The following ANXA2R variants were observed in gnomAD, a reference collection of about 807,000 sequenced individuals.
ANXA2R encodes annexin-2 receptor.
For missense variants in ANXA2R, 244 were observed against 241.5 expected (o/e 1.01, Z -0.07); for synonymous variants, 93 against 93.6 (o/e 0.99, Z 0.04).
In ANXA2R at chr5:43,040,139, GGGCGGA is replaced by G; in HGVS notation, c.-99_-94del. The G allele has an allele frequency of 1.6e-6, 2 of 1,226,848 alleles. No individual in the cohort carries two copies. Among genetic ancestry groups the G allele is most frequent in the South Asian group, 3.1e-5 (2 of 64,026 alleles). 76.0% of individuals were successfully genotyped at this position (1,226,848 alleles called of 1,614,324 possible). A position where few individuals can be genotyped will look rare whatever the true frequency, so the allele number is the denominator to read the frequency against. On this transcript the variant is annotated 5_prime_UTR_variant, in exon 1 of 1. Coordinates refer to ENST00000616064, the MANE Select transcript of ANXA2R (RefSeq NM_001014279.3). ...AGTATTTATGCTCTGCAGAGCCCGT[GGGCGGA>G]GGCCAGTCAGATATTAAGAAACTCA...
chr5:43,042,433 C>T (rs955911269), upstream of ANXA2R: 1 of 152,906 alleles, frequency 6.5e-6, no homozygotes, highest in East Asian at 1.9e-4. This position sits in a 1 kb window ranked among gnomAD's most constrained non-coding sequence, Gnocchi z 5.6. Context: ...CCAGCGGTGC[C>T]GTCACCAAGA....
At position 43,040,258 on chromosome 5, in the gene ANXA2R, G is replaced by A; in HGVS notation, c.-212C>T. 2.1e-6 allele frequency: 1 copy of A among 476,502 alleles called. No homozygotes were observed. Among genetic ancestry groups the A allele is most frequent in the Non-Finnish European group, 3.8e-6 (1 of 262,456 alleles). The allele number at this position is 476,502 out of a possible 1,614,324, so 29.5% of individuals were successfully genotyped here. Reference sequence around the variant, plus strand: ...TAGAACCAAAACGAACCGTAATTCCGACAGAAAAACATGGCGAGAAAAGAA... The same window carrying A: ...TAGAACCAAAACGAACCGTAATTCCAACAGAAAAACATGGCGAGAAAAGAA... On this transcript the variant is annotated 5_prime_UTR_variant, in exon 1 of 1. Transcript: ENST00000616064.
At chr5:43,042,612 C>T (rs375223944), upstream of ANXA2R, 1 of 152,742 alleles carries the variant, frequency 6.5e-6, no homozygotes, top group Non-Finnish European at 1.5e-5. This position sits in a 1 kb window ranked among gnomAD's most constrained non-coding sequence, Gnocchi z 5.6. Context: ...TGGAGAAAGC[C>T]CCGCACCGAG....
At chr5:43,042,338 A>C (rs540863507), upstream of ANXA2R, 1 of 152,774 alleles carries the variant, frequency 6.5e-6, no homozygotes, top group East Asian at 1.9e-4. The surrounding 1 kb of genome is among the most constrained non-coding windows in gnomAD (Gnocchi z 5.6). Flanking sequence ...ACAAGAGACC[A>C]CGGCTCGCCG....
At chr5:43,040,385 A>T (rs894786297), upstream of ANXA2R, 8 of 219,244 alleles carry the variant, frequency 3.6e-5, no homozygotes, top group Non-Finnish European at 7.9e-5. Context: ...GTTTCCGGGA[A>T]ATGAGCGTTG....
upstream of ANXA2R, chr5:43,041,259 A>G (rs967372096): frequency 1.3e-5 from 2 of 152,232 alleles, no homozygotes; most frequent in Non-Finnish European, 2.9e-5. Flanking sequence ...CCTACAAAGA[A>G]GAAATTACAA....
rs779945718 is a variant in ANXA2R at position 43,039,460 on chromosome 5, GCTAT to G, written c.*1_*4del. 1 of 1,505,724 alleles carries G rather than the reference GCTAT, an allele frequency of 6.6e-7. No homozygotes were observed. Among genetic ancestry groups the G allele is most frequent in the South Asian group, 1.4e-5 (1 of 73,676 alleles). 93.3% of individuals were successfully genotyped at this position (1,505,724 alleles called of 1,614,324 possible). On this transcript the variant is annotated 3_prime_UTR_variant, in exon 1 of 1. Coordinates refer to ENST00000616064, the MANE Select transcript of ANXA2R (RefSeq NM_001014279.3). ...AGGAGAATCCAAAAAGCCTTCTGCT[GCTAT>G]CTAAGGCTGCTTAGCTCCACAGATC...
chr5:43,042,990 G>A (rs1357486123), upstream of ANXA2R: 1 of 152,302 alleles, frequency 6.6e-6, no homozygotes, highest in Non-Finnish European at 1.5e-5. This position sits in a 1 kb window ranked among gnomAD's most constrained non-coding sequence, Gnocchi z 5.6. Flanking sequence ...TGCTGAGACC[G>A]GCCTGGGCCA....
At position 43,039,415 on chromosome 5, in the gene ANXA2R, A is replaced by T; in HGVS notation, c.*50T>A. On this transcript the variant is annotated 3_prime_UTR_variant, in exon 1 of 1. Transcript: ENST00000616064. ...TATTTTCTAGGTGGAGACGTTTGGT[A>T]ACTGAGAATCTTTTCAAGGAGGAGA... 7.1e-7 allele frequency: 1 copy of T among 1,417,094 alleles called. No individual in the cohort carries two copies. Among genetic ancestry groups the T allele is most frequent in the Non-Finnish European group, 9.4e-7 (1 of 1,063,160 alleles). The allele number at this position is 1,417,094 out of a possible 1,614,324, so 87.8% of individuals were successfully genotyped here.
In ANXA2R at chr5:43,040,124, C is replaced by T. The variant is rs1742165984; in HGVS notation, c.-78G>A. 7.2e-7 allele frequency: 1 copy of T among 1,394,832 alleles called. No individual in the cohort carries two copies. The highest frequency in any genetic ancestry group is 2.4e-5 in the Admixed American group (1 of 42,476). The allele number at this position is 1,394,832 out of a possible 1,614,324, so 86.4% of individuals were successfully genotyped here. A position where few individuals can be genotyped will look rare whatever the true frequency, so the allele number is the denominator to read the frequency against. ...ACTACCATCAGCCTGAGTATTTATG[C>T]TCTGCAGAGCCCGTGGGCGGAGGCC... On this transcript the variant is annotated 5_prime_UTR_variant, in exon 1 of 1. Coordinates refer to ENST00000616064, the MANE Select transcript of ANXA2R (RefSeq NM_001014279.3).
chr5:43,041,281 C>T (rs1389612346), upstream of ANXA2R: 1 of 152,052 alleles, frequency 6.6e-6, no homozygotes, highest in African/African-American at 2.4e-5. Context: ...TATGGCTAAG[C>T]GATGCAATGC....
In ANXA2R at chr5:43,039,966, A is replaced by C. The variant is rs191664381; in HGVS notation, c.81T>G (p.Ile27Met). 1.1e-5 allele frequency: 18 copies of C among 1,614,092 alleles called. 1 individual carries two copies. The Admixed American group carries it at 1.2e-4, about 10-fold the overall frequency. ...ACGGCCCACGATCTTCTGAACTCAC[A>C]ATAGGTGGAGGCTGGGGCTCTGGCG... Reference protein sequence around the residue: ...EVAPEPQPPPIVSSEDRGPWP... With the variant: ...EVAPEPQPPPMVSSEDRGPWP... The change falls in exon 1 of 1, where the codon ATT becomes ATG. Residue 27 changes from isoleucine (I) to methionine (M), a missense_variant. Coordinates refer to ENST00000616064, the MANE Select transcript of ANXA2R (RefSeq NM_001014279.3).
At chr5:43,042,833 A>G (rs1454588823), upstream of ANXA2R, 1 of 152,630 alleles carries the variant, frequency 6.6e-6, no homozygotes, top group Non-Finnish European at 1.5e-5. This position sits in a 1 kb window ranked among gnomAD's most constrained non-coding sequence, Gnocchi z 5.6. Flanking sequence ...ATGCGCGGCC[A>G]CAGAAGTACA....
rs1561349132 is a variant in ANXA2R, at chr5:43,039,385, A to T, written c.*80T>A. Reference sequence around the variant, plus strand: ...CAGCAATGAAAGCACATCTTAATGTATTTTTATTTTCTAGGTGGAGACGTT... The same window carrying T: ...CAGCAATGAAAGCACATCTTAATGTTTTTTTATTTTCTAGGTGGAGACGTT... On this transcript the variant is annotated 3_prime_UTR_variant, in exon 1 of 1. Coordinates refer to ENST00000616064, the MANE Select transcript of ANXA2R (RefSeq NM_001014279.3). 2 of 1,209,188 alleles carry T rather than the reference A, an allele frequency of 1.7e-6. No homozygotes were observed. The highest frequency in any genetic ancestry group is 2.3e-6 in the Non-Finnish European group (2 of 886,114). The allele number at this position is 1,209,188 out of a possible 1,614,324, so 74.9% of individuals were successfully genotyped here. A position where few individuals can be genotyped will look rare whatever the true frequency, so the allele number is the denominator to read the frequency against.
Position 43,039,567 on chromosome 5 carries a change from C to A in ANXA2R, c.480G>T (p.Pro160=), listed in dbSNP as rs763484607. The A allele has an allele frequency of 1.6e-5, 26 of 1,613,872 alleles. No homozygotes were observed. In the South Asian group the frequency reaches 2.4e-4, roughly 15 times the overall value. ...TCCACTCCAGGCAGTCTGAGAAACC[C>A]GGGAGGTGGCGCCACGGCTGGAGGG... ...PPALQPWRHL[P]GFSDCLEWIL... The change falls in exon 1 of 1, where the codon CCG becomes CCT. Residue 160 remains proline, a synonymous_variant. Transcript: ENST00000616064.
upstream of ANXA2R, chr5:43,041,002 C>G (rs1233330541): frequency 1.3e-5 from 2 of 152,176 alleles, no homozygotes; most frequent in South Asian, 4.1e-4. Context: ...GAAGCGGAGC[C>G]TCCAGACAGA....
In ANXA2R at chr5:43,039,593, C is replaced by G. The variant is rs1341924917; in HGVS notation, c.454G>C (p.Ala152Pro). The change falls in exon 1 of 1, where the codon GCC becomes CCC. Residue 152 changes from alanine (A) to proline (P), a missense_variant. By Grantham distance (27) the Ala-to-Pro change is conservative. Coordinates refer to ENST00000616064, the MANE Select transcript of ANXA2R (RefSeq NM_001014279.3). ...GCLLERRHPPALQPWRHLPGF... is the reference protein window; with the variant it reads ...GCLLERRHPPPLQPWRHLPGF... ...GGGAGGTGGCGCCACGGCTGGAGGG[C>G]AGGAGGATGGCGGCGTTCCAAAAGG... The G allele has an allele frequency of 6.2e-7, 1 of 1,614,010 alleles. No homozygotes were observed. The highest frequency in any genetic ancestry group is 8.5e-7 in the Non-Finnish European group (1 of 1,179,918).
Position 43,039,487 on chromosome 5 carries a change from A to C in ANXA2R, c.560T>G (p.Ile187Ser). 1 of 1,579,684 alleles carries C rather than the reference A, an allele frequency of 6.3e-7. No individual in the cohort carries two copies. Among genetic ancestry groups the C allele is most frequent in the Non-Finnish European group, 8.6e-7 (1 of 1,162,482 alleles). Residue 187 changes from isoleucine to serine, a missense_variant, in exon 1 of 1, where the codon ATC becomes AGC. Physicochemically the swap from Ile to Ser is moderately radical, Grantham distance 142. Transcript: ENST00000616064. ...FSVLWACCSR[I>S]CGAKQP ...TATCTAAGGCTGCTTAGCTCCACAG[A>C]TCCGTGAACAGCACGCCCAGAGTAC...
At chr5:43,040,358 A>G (rs1579632198), upstream of ANXA2R, 2 of 264,568 alleles carry the variant, frequency 7.6e-6, no homozygotes, top group South Asian at 1.5e-4. Context: ...AGAGCGCGCA[A>G]GGGCCAAGAA....
Sources: gnomAD v4.1 joint callset for allele counts on GRCh38, gnomAD v4.1.1 for gene constraint, Gnocchi (gnomAD v3.1) non-coding constraint, MANE v1.5 for transcripts, NCBI Gene and HGNC (gene_info 2026-07-23, HGNC 2026-07-21) for gene names.